HS6ST3: variants seen among roughly 807,000 people sequenced by gnomAD.
HS6ST3 encodes the protein heparan-sulfate 6-O-sulfotransferase 3.
A neutral mutation model predicts 36.7 loss-of-function variants in HS6ST3; 12 were observed. That is an observed-to-expected ratio of 0.33 (90% CI 0.21 to 0.53). HS6ST3 has a LOEUF of 0.53. HS6ST3 is among the 20% of genes least tolerant of loss of function. The probability of loss-of-function intolerance (pLI) is 0.95; values close to 1 mark genes in which losing one functional copy is unlikely to be tolerated. For missense variants in HS6ST3, 584 were observed against 640.9 expected, an observed-to-expected ratio of 0.91 and a Z score of 0.96; for synonymous variants, 240 against 257.5, an observed-to-expected ratio of 0.93 and a Z score of 0.65.
intron 1 of HS6ST3, among the ~76,000 whole-genome samples, chr13:96,670,729 T>A (rs2056680185): frequency 6.6e-6 from 1 of 152,152 alleles, no homozygotes; most frequent in Non-Finnish European, 1.5e-5. Context: ...AAATTTTGAT[T>A]TCCTGGAATG....
chr13:96,191,647 TC>T (rs2054288964), intron 1 of HS6ST3, among the ~76,000 whole-genome samples: 1 of 152,192 alleles, frequency 6.6e-6, no homozygotes, highest in African/African-American at 2.4e-5. Context: ...TATCTGTCTT[TC>T]CCATCACGGT....
chr13:96,590,799 T>C (rs548439520), intron 1 of HS6ST3, among the ~76,000 whole-genome samples: 2 of 152,300 alleles, frequency 1.3e-5, no homozygotes, highest in Middle Eastern at 3.4e-3. Flanking sequence ...TCCAATGTTT[T>C]CTTTTAGCAG....
intron 1 of HS6ST3, among the ~76,000 whole-genome samples, chr13:96,696,560 G>A (rs143332630): frequency 1.2e-4 from 18 of 152,262 alleles, no homozygotes; most frequent in African/African-American, 4.1e-4. Flanking sequence ...GGGGCTGACC[G>A]GCCTGGCCGA....
chr13:96,523,971 C>T (rs1371640113), intron 1 of HS6ST3, among the ~76,000 whole-genome samples: 3 of 152,194 alleles, frequency 2.0e-5, no homozygotes, highest in Non-Finnish European at 4.4e-5. Context: ...CCTTTCTGCT[C>T]TGGTTTCCCC....
At chr13:96,304,245 G>T (rs2054898202) in intron 1 of HS6ST3, among the ~76,000 whole-genome samples, 1 of 152,002 alleles carries the variant, frequency 6.6e-6, no homozygotes. Context: ...ACGTTACTAG[G>T]TTAGTCATTG....
intron 1 of HS6ST3, among the ~76,000 whole-genome samples, chr13:96,234,073 C>T (rs936640766): frequency 3.3e-5 from 5 of 149,354 alleles, no homozygotes; most frequent in Non-Finnish European, 5.9e-5. Context: ...AAGACTCTTT[C>T]TTTTGGGTCT....
intron 1 of HS6ST3, among the ~76,000 whole-genome samples, chr13:96,662,901 A>G (rs2056651333): frequency 6.6e-6 from 1 of 152,060 alleles, no homozygotes; most frequent in Non-Finnish European, 1.5e-5. Context: ...GTTGGTGCTT[A>G]TGGATAATAG....
At chr13:96,406,119 G>A (rs1285937461) in intron 1 of HS6ST3, among the ~76,000 whole-genome samples, 1 of 152,182 alleles carries the variant, frequency 6.6e-6, no homozygotes, top group Non-Finnish European at 1.5e-5. Context: ...AAATTAAAAT[G>A]TTGTATGTAT....
At chr13:96,727,845 A>G (rs987013789) in intron 1 of HS6ST3, among the ~76,000 whole-genome samples, 2 of 152,176 alleles carry the variant, frequency 1.3e-5, no homozygotes, top group Admixed American at 6.5e-5. Flanking sequence ...TTTCTGGAAC[A>G]CCTGCATCAT....
At chr13:96,649,485 C>A (rs2056600169) in intron 1 of HS6ST3, among the ~76,000 whole-genome samples, 1 of 152,024 alleles carries the variant, frequency 6.6e-6, no homozygotes, top group Non-Finnish European at 1.5e-5. Flanking sequence ...GACCATATCA[C>A]CATCTCTCTA....
intron 1 of HS6ST3, among the ~76,000 whole-genome samples, chr13:96,509,085 T>C (rs1183776584): frequency 6.6e-6 from 1 of 152,216 alleles, no homozygotes; most frequent in Non-Finnish European, 1.5e-5. Flanking sequence ...GGTTTTACTT[T>C]GCATTTCTCT....
intron 1 of HS6ST3, among the ~76,000 whole-genome samples, chr13:96,245,162 C>T (rs1566299828): frequency 6.6e-6 from 1 of 152,152 alleles, no homozygotes; most frequent in African/African-American, 2.4e-5. Flanking sequence ...ATGACACTTG[C>T]AAACAATGGG....
At chr13:96,757,154 C>T (rs2138496978) in intron 1 of HS6ST3, among the ~76,000 whole-genome samples, 1 of 152,258 alleles carries the variant, frequency 6.6e-6, no homozygotes, top group African/African-American at 2.4e-5. Context: ...TGAAAAGAAA[C>T]ACTCCACAGT....
At chr13:96,608,383 C>T (rs891688791) in intron 1 of HS6ST3, among the ~76,000 whole-genome samples, 30 of 152,190 alleles carry the variant, frequency 2.0e-4, no homozygotes, top group African/African-American at 7.0e-4. Flanking sequence ...CTGCTAAGAT[C>T]ACATAACACA....
intron 1 of HS6ST3, among the ~76,000 whole-genome samples, chr13:96,206,133 A>G (rs1252688018): frequency 6.6e-6 from 1 of 152,186 alleles, no homozygotes; most frequent in African/African-American, 2.4e-5. Flanking sequence ...TACAAAATCA[A>G]TGTGCAAAAA....
rs188915215 is a variant in HS6ST3 at position 96,246,113 on chromosome 13, C to G, written c.707+154544C>G. On this transcript the variant is annotated intron_variant, in intron 1 of 1. Transcript: ENST00000376705. Reference sequence around the variant, plus strand: ...AATATGTATGTAGATACATGAGTGGCTGTTTTGTTGTGGCTTGTAGTGACC... The same window carrying G: ...AATATGTATGTAGATACATGAGTGGGTGTTTTGTTGTGGCTTGTAGTGACC... Among the ~76,000 whole-genome samples, 1,460 of 152,192 alleles carry G rather than the reference C, an allele frequency of 9.6e-3. 25 individuals are homozygous for G. The highest frequency in any genetic ancestry group is 0.034 in the African/African-American group (1,402 of 41,512).
At chr13:96,625,776 G>T (rs2056509966) in intron 1 of HS6ST3, among the ~76,000 whole-genome samples, 1 of 150,718 alleles carries the variant, frequency 6.6e-6, no homozygotes, top group Non-Finnish European at 1.5e-5. Context: ...CAAAGAACTT[G>T]TCCCAATTTC....
At position 96,268,323 on chromosome 13, in the gene HS6ST3, G is replaced by A. The variant is rs1010546944; in HGVS notation, c.707+176754G>A. 3.3e-5 allele frequency among the ~76,000 whole-genome samples: 5 copies of A among 151,912 alleles called. No individual in the cohort carries two copies. In the East Asian group the frequency reaches 5.8e-4, roughly 18 times the overall value. ...GAGGCCTCAGGAAACTTACAATCACGGCAGGGGAAGCAAACATGTCCTTCA... is the reference window on the plus strand; with the variant it reads ...GAGGCCTCAGGAAACTTACAATCACAGCAGGGGAAGCAAACATGTCCTTCA... On this transcript the variant is annotated intron_variant, in intron 1 of 1. Coordinates refer to ENST00000376705, the MANE Select transcript of HS6ST3 (RefSeq NM_153456.4).
intron 1 of HS6ST3, among the ~76,000 whole-genome samples, chr13:96,678,721 G>A (rs1375746767): frequency 6.6e-6 from 1 of 151,738 alleles, no homozygotes. Flanking sequence ...TATAAAAGCA[G>A]GATTGGCCTT....
Sources: allele counts gnomAD v4.1 joint callset (sites outside exome capture counted in the v4.1 genomes callset), GRCh38; gene constraint gnomAD v4.1.1; transcripts MANE v1.5; gene names NCBI Gene and HGNC (gene_info 2026-07-23, HGNC 2026-07-21).